CDH13: variants seen among roughly 807,000 people sequenced by gnomAD.
CDH13 encodes the protein cadherin-13.
CDH13 carries 24 observed loss-of-function variants against 63.8 expected under a neutral mutation model. The ratio of observed to expected loss-of-function variants is 0.38; its 90% confidence interval spans 0.27 to 0.53. The LOEUF is 0.53. Ranked by LOEUF, CDH13 falls within the 20% of genes least tolerant of loss-of-function variation. CDH13 has a pLI of 0.85. For missense variants in CDH13, 1,049 were observed against 903.1 expected (o/e 1.16, Z -2.07); for synonymous variants, 503 against 355.3 (o/e 1.42, Z -4.67).
chr16:83,353,424 A>T (rs1235179672), intron 6 of CDH13, among the ~76,000 whole-genome samples: 2 of 152,206 alleles, frequency 1.3e-5, no homozygotes, highest in Non-Finnish European at 2.9e-5. Flanking sequence ...ACCATTGCAC[A>T]TGTTAGGACC....
rs527282291 is a variant in CDH13, at chr16:83,799,712, T to A, written c.*4682T>A. The A allele has an allele frequency of 2.0e-5, 3 of 152,376 alleles. No individual in the cohort carries two copies. The highest frequency in any genetic ancestry group is 7.2e-5 in the African/African-American group (3 of 41,596). The allele number at this position is 152,376 out of a possible 1,614,324, so 9.4% of individuals were successfully genotyped here. ...TTGAGATTTGATAATTTTCACAGTC[T>A]AATGATAAAATGCTTTCAAAATGGT... On this transcript the variant is annotated 3_prime_UTR_variant, in exon 14 of 14. Transcript: ENST00000567109.
intron 6 of CDH13, among the ~76,000 whole-genome samples, chr16:83,380,443 A>T (rs1012908956): frequency 4.6e-5 from 7 of 152,188 alleles, no homozygotes; most frequent in Admixed American, 2.6e-4. Context: ...AAGATAAAAG[A>T]CGTGACAGAT....
chr16:83,570,841 TTTA>T (rs1204449022), intron 7 of CDH13, among the ~76,000 whole-genome samples: 1 of 50,074 alleles, frequency 2.0e-5, no homozygotes. Context: ...AATTTATATT[TTTA>T]TATATATAAA....
intron 6 of CDH13, among the ~76,000 whole-genome samples, chr16:83,418,632 A>G (rs1388953099): frequency 6.6e-6 from 1 of 152,134 alleles, no homozygotes; most frequent in Non-Finnish European, 1.5e-5. Context: ...TCCTTTGATG[A>G]GGAAGTGTTG....
At chr16:83,261,089 C>G (rs1021872236) in intron 5 of CDH13, among the ~76,000 whole-genome samples, 1 of 152,022 alleles carries the variant, frequency 6.6e-6, no homozygotes, top group Non-Finnish European at 1.5e-5. Context: ...GCTCACAGGT[C>G]CACTCCTCAG....
chr16:83,149,955 C>T (rs539636901), intron 4 of CDH13, among the ~76,000 whole-genome samples: 6 of 152,256 alleles, frequency 3.9e-5, no homozygotes, highest in South Asian at 4.1e-4. Flanking sequence ...TTACAAGCAG[C>T]GATGTGAGAT....
intron 3 of CDH13, among the ~76,000 whole-genome samples, chr16:83,044,023 C>G (rs1274773307): frequency 6.6e-6 from 1 of 152,244 alleles, no homozygotes; most frequent in Non-Finnish European, 1.5e-5. Flanking sequence ...CTCTACAGTT[C>G]TACAGGAATA....
At chr16:83,776,869 T>C (rs1444579833) in intron 11 of CDH13, among the ~76,000 whole-genome samples, 1 of 152,236 alleles carries the variant, frequency 6.6e-6, no homozygotes, top group Non-Finnish European at 1.5e-5. Flanking sequence ...ACTTTCACCC[T>C]GGGTAACCAC....
chr16:82,815,926 A>C (rs759593413), intron 1 of CDH13, among the ~76,000 whole-genome samples: 1 of 152,216 alleles, frequency 6.6e-6, no homozygotes, highest in African/African-American at 2.4e-5. Context: ...TGAATGCAAG[A>C]CACGTGTTTA....
chr16:83,580,590 G>C (rs1337730740), intron 7 of CDH13, among the ~76,000 whole-genome samples: 2 of 151,178 alleles, frequency 1.3e-5, no homozygotes, highest in Non-Finnish European at 2.9e-5. Flanking sequence ...AAACTCCTGA[G>C]CTCAAGCAAT....
chr16:83,467,703 C>T (rs977284260), intron 6 of CDH13, among the ~76,000 whole-genome samples: 3 of 152,186 alleles, frequency 2.0e-5, no homozygotes, highest in Admixed American at 6.5e-5. Flanking sequence ...TCGTTCCTGG[C>T]TGCAGAACAC....
At chr16:83,362,163 T>G (rs560672436) in intron 6 of CDH13, among the ~76,000 whole-genome samples, 1 of 152,310 alleles carries the variant, frequency 6.6e-6, no homozygotes, top group Non-Finnish European at 1.5e-5. Flanking sequence ...AAATCTGGTT[T>G]CTTCCAAAGT....
rs539712206 is a variant in CDH13 at position 83,194,220 on chromosome 16, G to A, written c.484-23125G>A. Among the ~76,000 whole-genome samples the A allele has an allele frequency of 3.7e-4, 57 of 152,330 alleles. No individual in the cohort carries two copies. In the Middle Eastern group the frequency reaches 0.014, roughly 36 times the overall value. On this transcript the variant is annotated intron_variant, in intron 4 of 13. Coordinates refer to ENST00000567109, the MANE Select transcript of CDH13 (RefSeq NM_001257.5). ...GCAGCCTTTGCTAGGTACACATAGG[G>A]ACATGCACCCTGACAATCCACGGGG...
intron 2 of CDH13, among the ~76,000 whole-genome samples, chr16:82,979,703 T>C (rs1910005566): frequency 6.6e-6 from 1 of 152,196 alleles, no homozygotes; most frequent in African/African-American, 2.4e-5. Flanking sequence ...CAGTCTTAGG[T>C]ATGTCTCTAT....
intron 1 of CDH13, among the ~76,000 whole-genome samples, chr16:82,755,795 C>T (rs749978876): frequency 6.6e-6 from 1 of 152,094 alleles, no homozygotes; most frequent in Non-Finnish European, 1.5e-5. Flanking sequence ...CATTCTTTGG[C>T]CTTACTGGGG....
At chr16:83,300,245 T>C (rs1180494392) in intron 5 of CDH13, among the ~76,000 whole-genome samples, 3 of 152,190 alleles carry the variant, frequency 2.0e-5, no homozygotes, top group African/African-American at 7.2e-5. Context: ...GAAAATGAGA[T>C]TTTGTAGTTT....
chr16:82,958,331 A>C (rs1168714167), intron 2 of CDH13, among the ~76,000 whole-genome samples: 1 of 152,226 alleles, frequency 6.6e-6, no homozygotes, highest in Non-Finnish European at 1.5e-5. Context: ...AGCTGACTTA[A>C]ATTCCCCCAT....
chr16:82,956,381 C>T (rs992341946), intron 2 of CDH13, among the ~76,000 whole-genome samples: 3 of 152,124 alleles, frequency 2.0e-5, no homozygotes, highest in African/African-American at 7.2e-5. Context: ...CTCCAAATGG[C>T]AGCTGAAGGA....
intron 6 of CDH13, among the ~76,000 whole-genome samples, chr16:83,466,609 A>G (rs1365356858): frequency 1.3e-5 from 2 of 152,186 alleles, no homozygotes; most frequent in African/African-American, 2.4e-5. Flanking sequence ...CAGGGCCTCA[A>G]TGTGTACAGC....
Sources: gnomAD v4.1 joint callset for allele counts (sites outside exome capture counted in the v4.1 genomes callset) on GRCh38, gnomAD v4.1.1 for gene constraint, MANE v1.5 for transcripts, NCBI Gene and HGNC (gene_info 2026-07-23, HGNC 2026-07-21) for gene names.